The following UTP20 variants were observed in gnomAD, a reference collection of about 807,000 sequenced individuals.
The protein encoded by UTP20 is small subunit processome component 20 homolog.
UTP20 carries 164 observed loss-of-function variants against 329.5 expected under a neutral mutation model. That is an observed-to-expected ratio of 0.50 (90% CI 0.44 to 0.57). UTP20 has a LOEUF of 0.57. Among genes scored for constraint, UTP20 ranks in the 20% least tolerant of loss-of-function variants. The pLI is 0.00. For synonymous variants in UTP20, 1,151 were observed against 1,159.3 expected, an observed-to-expected ratio of 0.99 and a Z score of 0.14; for missense variants, 3,055 against 3,284.2, an observed-to-expected ratio of 0.93 and a Z score of 1.71.
intron 38 of UTP20, among the ~76,000 whole-genome samples, chr12:101,351,643 TAGATATTAA>T (rs1214065226): frequency 1.3e-5 from 2 of 151,442 alleles, no homozygotes. Flanking sequence ...ACCCATCACC[TAGATATTAA>T]GCCCAGCATG....
chr12:101,383,407 T>C (rs1013190476), intron 59 of UTP20, 94 bp downstream of exon 59: 2 of 1,492,818 alleles, frequency 1.3e-6, no homozygotes, highest in East Asian at 2.3e-5. Context: ...CTAGAAACTT[T>C]ATCTTTGAAC....
intron 43 of UTP20, among the ~76,000 whole-genome samples, chr12:101,359,173 C>T (rs1416746459): frequency 6.6e-6 from 1 of 152,130 alleles, no homozygotes; most frequent in African/African-American, 2.4e-5. Flanking sequence ...AAGCAGTTCT[C>T]ATGCCTCAGC....
chr12:101,357,177 T>A, intron 43 of UTP20, 95 bp downstream of exon 43: 1 of 1,200,566 alleles, frequency 8.3e-7, no homozygotes, highest in Non-Finnish European at 1.2e-6. Context: ...GGCCTGTCTT[T>A]AAATTTGATC....
intron 21 of UTP20, among the ~76,000 whole-genome samples, chr12:101,313,774 A>G (rs972979415): frequency 6.6e-6 from 1 of 151,968 alleles, no homozygotes; most frequent in South Asian, 2.1e-4. Flanking sequence ...GGACAGAATC[A>G]AGGATGTTCC....
At chr12:101,287,522 A>C (rs993699390) in intron 5 of UTP20, among the ~76,000 whole-genome samples, 4 of 152,192 alleles carry the variant, frequency 2.6e-5, no homozygotes, top group Non-Finnish European at 2.9e-5. Context: ...TATTACTGAA[A>C]CTGAACTCAA....
In UTP20 at chr12:101,317,562, C is replaced by T. The variant is rs138126922; in HGVS notation, c.2637C>T (p.Ile879=). ...RKGKGMVAEE[I]EEEPAAGDDE... is the part of the protein sequence containing the mutation. ...GCAAAGGGATGGTGGCAGAGGAAAT[C>T]GAAGAGGAACCTGCCGCAGGAGATG... The change falls in exon 22 of 62, where the codon ATC becomes ATT. Residue 879 remains isoleucine, a synonymous_variant. Coordinates refer to ENST00000261637, the MANE Select transcript of UTP20 (RefSeq NM_014503.3). 1.5e-3 allele frequency: 2,406 copies of T among 1,614,026 alleles called. 12 individuals are homozygous for T. Among genetic ancestry groups the T allele is most frequent in the Middle Eastern group, 8.9e-3 (54 of 6,060 alleles).
chr12:101,357,015 A>G lies in UTP20; in HGVS notation c.5624A>G (p.Asp1875Gly), dbSNP rs770132309. 3.1e-6 allele frequency: 5 copies of G among 1,613,946 alleles called. No homozygotes were observed. In the African/African-American group the frequency reaches 6.7e-5, roughly 22 times the overall value. The change falls in exon 43 of 62, where the codon GAT becomes GGT. Residue 1875 changes from aspartate (D) to glycine (G), a missense_variant. Around this residue, in one of 3 missense-constraint regions of UTP20, gnomAD observed 2,445 missense variants for 2,575.5 expected, o/e 0.95. Transcript: ENST00000261637. ...AGCACTCTTGCGAAAATAATAGAGG[A>G]TCTTGGTGTGCACTTCCTCCTATAT... ...ARSTLAKIIEDLGVHFLLYVL... is the reference protein window; with the variant it reads ...ARSTLAKIIEGLGVHFLLYVL...
chr12:101,344,445 C>G, intron 35 of UTP20, 150 bp from the exon 36 acceptor site: 1 of 602,506 alleles, frequency 1.7e-6, no homozygotes, highest in Non-Finnish European at 3.0e-6. Flanking sequence ...TTTGGTTCTC[C>G]CTTAGGTTTG....
intron 47 of UTP20, among the ~76,000 whole-genome samples, chr12:101,367,284 C>G (rs756207412): frequency 2.5e-4 from 38 of 152,004 alleles, no homozygotes; most frequent in South Asian, 4.2e-4. Flanking sequence ...GACCCTGTCT[C>G]TAAAAAATAA....
rs77747144 is a variant in UTP20, at chr12:101,330,059, A to G, written c.3417+610A>G. Reference sequence around the variant, plus strand: ...AATAGTTATTATAAAAACACTCCATATATTAGAGAAAGTAGAAGAAATCAT... The same window carrying G: ...AATAGTTATTATAAAAACACTCCATGTATTAGAGAAAGTAGAAGAAATCAT... On this transcript the variant is annotated intron_variant, in intron 27 of 61. Transcript: ENST00000261637. Among the ~76,000 whole-genome samples, 4 of 152,202 alleles carry G rather than the reference A, an allele frequency of 2.6e-5. No individual in the cohort carries two copies. In the East Asian group the frequency reaches 7.7e-4, roughly 29 times the overall value.
intron 2 of UTP20, among the ~76,000 whole-genome samples, chr12:101,282,251 A>G (rs1448359880): frequency 8.6e-5 from 13 of 151,852 alleles, no homozygotes; most frequent in Non-Finnish European, 1.5e-5. Context: ...AAGGGAACCT[A>G]ACCTACATTC....
At chr12:101,340,742 G>A in intron 32 of UTP20, 132 bp downstream of exon 32, 1 of 616,198 alleles carries the variant, frequency 1.6e-6, no homozygotes, top group Non-Finnish European at 2.8e-6. Flanking sequence ...ACTTTATATA[G>A]AAATTAAAAA....
chr12:101,374,947 A>G lies in UTP20; in HGVS notation c.7263+8A>G, dbSNP rs763267277. On this transcript the variant is annotated splice_region_variant and intron_variant, in intron 55 of 61. Transcript: ENST00000261637. ...CCTGAAAACTTTAAAGATGTAAGTA[A>G]TTTGCTAGGGAATAAAACTTTTCTA... 174 of 1,606,966 alleles carry G rather than the reference A, an allele frequency of 1.1e-4. No homozygotes were observed. The highest frequency in any genetic ancestry group is 1.5e-4 in the Non-Finnish European group (171 of 1,174,030).
chr12:101,369,629 C>A (rs958984566), intron 48 of UTP20, 92 bp from the exon 49 acceptor site: 1 of 689,232 alleles, frequency 1.5e-6, no homozygotes, highest in African/African-American at 1.8e-5. Flanking sequence ...TTATTCAGCA[C>A]AATCATTTAA....
chr12:101,367,934 T>C lies in UTP20; in HGVS notation c.6342T>C (p.Phe2114=). The C allele has an allele frequency of 6.2e-7, 1 of 1,613,856 alleles. No homozygotes were observed. Among genetic ancestry groups the C allele is most frequent in the Non-Finnish European group, 8.5e-7 (1 of 1,179,792 alleles). Residue 2114 remains phenylalanine, a synonymous_variant, in exon 48 of 62, where the codon TTT becomes TTC. Coordinates refer to ENST00000261637, the MANE Select transcript of UTP20 (RefSeq NM_014503.3). ...GECVLEMLDP[F]VSLLIDCLGS... ...GTGTCCTGGAAATGCTGGATCCTTT[T>C]GTGTCTCTCCTCATAGACTGCCTGG...
intron 40 of UTP20, among the ~76,000 whole-genome samples, chr12:101,353,624 C>G (rs1057473355): frequency 5.3e-5 from 8 of 152,002 alleles, no homozygotes; most frequent in Non-Finnish European, 1.0e-4. Flanking sequence ...TCAGTGGAGC[C>G]TAGGAGCTGG....
chr12:101,362,167 A>T (rs1320726179), intron 44 of UTP20, 107 bp downstream of exon 44: 1 of 764,566 alleles, frequency 1.3e-6, no homozygotes, highest in East Asian at 2.8e-5. Flanking sequence ...AATGAAAATA[A>T]TGTAACACCT....
chr12:101,285,939 T>C lies in UTP20; in HGVS notation c.326+58T>C. The stretch of plus-strand genomic sequence containing the variant: ...ATATTTGCCTGAATTTTAAGAAAGA[T>C]TGTGTTTCAAAGCTACATATACCGC... On this transcript the variant is annotated intron_variant, in intron 4 of 61. Coordinates refer to ENST00000261637, the MANE Select transcript of UTP20 (RefSeq NM_014503.3). 4.4e-6 allele frequency: 7 copies of C among 1,590,090 alleles called. 1 individual carries two copies. The South Asian group carries it at 4.6e-5, about 10-fold the overall frequency.
chr12:101,367,860 C>A lies in UTP20; in HGVS notation c.6268C>A (p.Leu2090Met). Residue 2090 changes from leucine (L) to methionine (M), a missense_variant and splice_region_variant, in exon 48 of 62, where the codon CTG becomes ATG. This residue lies in a region of UTP20 where 2,445 missense variants were observed against 2,575.5 expected (regional missense o/e 0.95). Coordinates refer to ENST00000261637, the MANE Select transcript of UTP20 (RefSeq NM_014503.3). Reference sequence around the variant, plus strand: ...GAAATACCTGTTTGAACTCTCTTAGCTGCTGCATCTGAGTCTGAAGACTTC... The same window carrying A: ...GAAATACCTGTTTGAACTCTCTTAGATGCTGCATCTGAGTCTGAAGACTTC... Reference protein sequence around the residue: ...MHIFIESGLRLLHLSLKTSKI... With the variant: ...MHIFIESGLRMLHLSLKTSKI... The A allele has an allele frequency of 2.5e-6, 4 of 1,607,142 alleles. No homozygotes were observed. The highest frequency in any genetic ancestry group is 3.4e-6 in the Non-Finnish European group (4 of 1,173,786).
Sources: gnomAD v4.1 joint callset for allele counts (sites outside exome capture counted in the v4.1 genomes callset) on GRCh38, gnomAD v4.1.1 for gene constraint, gnomAD v4.1.1 regional missense constraint, MANE v1.5 for transcripts, NCBI Gene and HGNC (gene_info 2026-07-23, HGNC 2026-07-21) for gene names.